ZNF736: variants seen among roughly 807,000 people sequenced by gnomAD.
ZNF736 encodes KRAB-containing zinc-finger repressor protein.
ZNF736 carries 6 observed loss-of-function variants against 11.7 expected under a neutral mutation model. That is an observed-to-expected ratio of 0.51 (90% CI 0.28 to 1.01). The LOEUF is 1.01. ZNF736 is among the 50% of genes least tolerant of loss of function. The pLI is 0.09. For synonymous variants in ZNF736, 139 were observed against 164.7 expected (o/e 0.84, Z 1.19); for missense variants, 444 against 496.0 (o/e 0.90, Z 1.00).
Position 64,321,351 on chromosome 7 carries a change from A to C in ZNF736, c.3+7198A>C, listed in dbSNP as rs10277278. Among the ~76,000 whole-genome samples, 165 of 152,216 alleles carry C rather than the reference A, an allele frequency of 1.1e-3. 4 individuals carry two copies. The East Asian group carries it at 0.029, about 27-fold the overall frequency. ...GGGATGAGAGAATTCACTCCCATGC[A>C]CCTTTTGCTTTGAAGGTCCCAAAAA... On this transcript the variant is annotated intron_variant, in intron 1 of 3. Coordinates refer to ENST00000423484, the MANE Select transcript of ZNF736 (RefSeq NM_001170905.3).
At position 64,348,539 on chromosome 7, in the gene ZNF736, G is replaced by A. The variant is rs773625680; in HGVS notation, c.676G>A (p.Glu226Lys). The change falls in exon 4 of 4, where the codon GAG (glutamate) becomes AAG (lysine). Residue 226 changes from glutamate to lysine, a missense_variant. By Grantham distance (56) the Glu-to-Lys change is moderately conservative. Coordinates refer to ENST00000423484, the MANE Select transcript of ZNF736 (RefSeq NM_001170905.3). ...TGAACATAAGAGAGTTCATACTGGAGAGAAACCTTACAAATGTGAAGGATG... is the reference window on the plus strand; with the variant it reads ...TGAACATAAGAGAGTTCATACTGGAAAGAAACCTTACAAATGTGAAGGATG... ...LTEHKRVHTG[E>K]KPYKCEGCGK... The A allele has an allele frequency of 4.4e-5, 70 of 1,584,196 alleles. No individual in the cohort carries two copies. The highest frequency in any genetic ancestry group is 2.3e-4 in the Admixed American group (13 of 55,320).
chr7:64,340,548 C>A (rs1584274359), intron 3 of ZNF736, among the ~76,000 whole-genome samples: 1 of 152,272 alleles, frequency 6.6e-6, no homozygotes, highest in Middle Eastern at 3.4e-3. Context: ...GGTTTTAAAA[C>A]CCTCTCCTTG....
At chr7:64,319,614 G>C (rs1186189735) in intron 1 of ZNF736, among the ~76,000 whole-genome samples, 1 of 143,818 alleles carries the variant, frequency 7.0e-6, no homozygotes, top group Admixed American at 7.4e-5. Flanking sequence ...TCCTGCCTCA[G>C]CCTCCCAAGT....
chr7:64,337,611 G>A (rs1230039663), intron 3 of ZNF736, among the ~76,000 whole-genome samples: 1 of 152,050 alleles, frequency 6.6e-6, no homozygotes, highest in Admixed American at 6.6e-5. Context: ...ATAAACAAAT[G>A]TTGGTAAATA....
intron 1 of ZNF736, among the ~76,000 whole-genome samples, chr7:64,335,046 G>T: frequency 6.6e-6 from 1 of 152,126 alleles, no homozygotes; most frequent in East Asian, 1.9e-4. Context: ...CACAGGAACA[G>T]AAAACCAAAC....
At chr7:64,321,888 T>C (rs1789008155) in intron 1 of ZNF736, among the ~76,000 whole-genome samples, 2 of 152,222 alleles carry the variant, frequency 1.3e-5, no homozygotes, top group African/African-American at 4.8e-5. Flanking sequence ...AAGACTCAGA[T>C]GCATGTTACC....
At chr7:64,330,092 T>C (rs1272695682) in intron 1 of ZNF736, among the ~76,000 whole-genome samples, 3 of 152,090 alleles carry the variant, frequency 2.0e-5, no homozygotes, top group Admixed American at 6.6e-5. Context: ...AAGACCTAAG[T>C]GGTCTTCGGT....
chr7:64,342,220 G>A (rs1789346850), intron 3 of ZNF736, among the ~76,000 whole-genome samples: 2 of 152,022 alleles, frequency 1.3e-5, no homozygotes, highest in African/African-American at 4.8e-5. Flanking sequence ...AGAGGAGTAG[G>A]GAGATTTGGT....
intron 3 of ZNF736, among the ~76,000 whole-genome samples, chr7:64,338,958 A>G (rs1461371674): frequency 6.6e-6 from 1 of 151,960 alleles, no homozygotes; most frequent in Admixed American, 6.6e-5. Flanking sequence ...AAAATTGTAC[A>G]GCATCTTTTC....
chr7:64,315,282 C>T (rs659055), intron 1 of ZNF736, among the ~76,000 whole-genome samples: 148,050 of 152,294 alleles, frequency 0.97, 72,063 homozygotes, highest in Non-Finnish European at 1. Context: ...AAATAGTTTA[C>T]TTGCACAAAC....
At chr7:64,328,894 C>T (rs1166355468) in intron 1 of ZNF736, among the ~76,000 whole-genome samples, 2 of 151,594 alleles carry the variant, frequency 1.3e-5, no homozygotes, top group East Asian at 1.9e-4. Context: ...ACTTTCTACC[C>T]AGAACTTTTT....
At chr7:64,330,103 C>T (rs1232717393) in intron 1 of ZNF736, among the ~76,000 whole-genome samples, 1 of 152,106 alleles carries the variant, frequency 6.6e-6, no homozygotes, top group Admixed American at 6.5e-5. Context: ...GGTCTTCGGT[C>T]AGCTTGTGGT....
chr7:64,347,894 C>T (rs942112173), intron 3 of ZNF736, among the ~76,000 whole-genome samples, 196 bp from the exon 4 acceptor site: 5 of 151,986 alleles, frequency 3.3e-5, no homozygotes, highest in South Asian at 2.1e-4. Context: ...CTTGGTGTGC[C>T]GCAAATGCTT....
intron 1 of ZNF736, among the ~76,000 whole-genome samples, chr7:64,317,925 T>C (rs1020576845): frequency 6.6e-6 from 1 of 151,976 alleles, no homozygotes; most frequent in African/African-American, 2.4e-5. Flanking sequence ...GTTTCTAAAA[T>C]ATTTTTTTTT....
chr7:64,331,792 G>C (rs1789171276), intron 1 of ZNF736, among the ~76,000 whole-genome samples: 1 of 152,180 alleles, frequency 6.6e-6, no homozygotes, highest in Admixed American at 6.5e-5. Flanking sequence ...GGATTTGGTA[G>C]AGGCAGGTCA....
At position 64,351,749 on chromosome 7, in the gene ZNF736, G is replaced by A. The variant is rs1789491873; in HGVS notation, c.*2602G>A. ...TGGCCACCACATGAGCTGGCTTGCT[G>A]CATTATCTCTTTGCTTGTCTTCTGG... On this transcript the variant is annotated 3_prime_UTR_variant, in exon 4 of 4. Transcript: ENST00000423484. 6.6e-6 allele frequency: 1 copy of A among 152,292 alleles called. No homozygotes were observed. Among genetic ancestry groups the A allele is most frequent in the Non-Finnish European group, 1.5e-5 (1 of 68,112 alleles). 9.4% of individuals were successfully genotyped at this position (152,292 alleles called of 1,614,324 possible).
intron 3 of ZNF736, among the ~76,000 whole-genome samples, chr7:64,337,746 G>GTTTTGGTTT (rs1562673494): frequency 1.3e-5 from 1 of 79,362 alleles, no homozygotes; most frequent in African/African-American, 4.0e-5. Context: ...GTTTTGTTTT[G>GTTTTGGTTT]TTTTTTTTGG....
At chr7:64,341,178 T>A (rs1292652167) in intron 3 of ZNF736, among the ~76,000 whole-genome samples, 2 of 152,170 alleles carry the variant, frequency 1.3e-5, no homozygotes, top group Non-Finnish European at 2.9e-5. Context: ...TTTCTTTTTT[T>A]AAAATCTTTG....
chr7:64,325,722 T>C (rs531399595), intron 1 of ZNF736, among the ~76,000 whole-genome samples: 1 of 152,346 alleles, frequency 6.6e-6, no homozygotes, highest in African/African-American at 2.4e-5. Context: ...GTGTCTCTGT[T>C]AAATGTATGT....
Sources: allele counts gnomAD v4.1 joint callset (sites outside exome capture counted in the v4.1 genomes callset), GRCh38; gene constraint gnomAD v4.1.1; transcripts MANE v1.5; gene names NCBI Gene and HGNC (gene_info 2026-07-23, HGNC 2026-07-21).